The following PKD1L3 variants were observed in gnomAD, a reference collection of about 807,000 sequenced individuals.
PKD1L3 encodes the protein polycystin-1-like protein 3.
A neutral mutation model predicts 184.1 loss-of-function variants in PKD1L3; 239 were observed. The observed-to-expected ratio is 1.30, with a 90% confidence interval of 1.17 to 1.45. The LOEUF (loss-of-function observed/expected upper bound fraction) is 1.45, where lower values mean the gene tolerates loss of function less well. PKD1L3 is among the 40% of genes most tolerant of loss of function. The pLI, the probability that PKD1L3 is intolerant of heterozygous loss-of-function variation, is 0.00. For synonymous variants in PKD1L3, 996 were observed against 778.8 expected, an observed-to-expected ratio of 1.28 and a Z score of -4.64; for missense variants, 2,660 against 2,067.2, an observed-to-expected ratio of 1.29 and a Z score of -5.56.
At chr16:71,996,054 TA>T (rs1211460254) in intron 2 of PKD1L3, among the ~76,000 whole-genome samples, 1 of 152,134 alleles carries the variant, frequency 6.6e-6, no homozygotes, top group Non-Finnish European at 1.5e-5. Context: ...TTCTTTTTTT[TA>T]AAAAATGTAA....
Position 71,978,475 on chromosome 16 carries a change from A to G in PKD1L3, c.1399-92T>C, listed in dbSNP as rs893787795. On this transcript the variant is annotated intron_variant, in intron 9 of 29. Coordinates refer to ENST00000620267, the MANE Select transcript of PKD1L3 (RefSeq NM_181536.2). ...ATATATCATATATACATATGTATAT[A>G]TGTGTGTGTGTGTGTGTGTGTATAT... The G allele has an allele frequency of 1.6e-3, 616 of 385,868 alleles. 5 individuals are homozygous for G. Among genetic ancestry groups the G allele is most frequent in the African/African-American group, 0.014 (526 of 37,782 alleles). The allele number at this position is 385,868 out of a possible 1,614,324, so 23.9% of individuals were successfully genotyped here. A position where few individuals can be genotyped will look rare whatever the true frequency, so the allele number is the denominator to read the frequency against.
intron 24 of PKD1L3, among the ~76,000 whole-genome samples, chr16:71,939,592 G>A (rs549584706): frequency 6.6e-6 from 1 of 152,108 alleles, no homozygotes; most frequent in African/African-American, 2.4e-5. Context: ...TCTATATTTT[G>A]TTAGTAACTA....
chr16:71,982,363 G>A (rs1011427483), intron 6 of PKD1L3, 128 bp from the exon 7 acceptor site: 1 of 735,070 alleles, frequency 1.4e-6, no homozygotes, highest in East Asian at 3.2e-5. Flanking sequence ...TCGACTCACT[G>A]CAACCTCTGC....
At chr16:71,936,111 G>A (rs1167700907) in intron 25 of PKD1L3, among the ~76,000 whole-genome samples, 1 of 149,238 alleles carries the variant, frequency 6.7e-6, no homozygotes, top group Non-Finnish European at 1.5e-5. Flanking sequence ...TTCTAAATTA[G>A]TTATCAAGCC....
chr16:71,954,064 A>T, intron 17 of PKD1L3, 41 bp downstream of exon 17: 1 of 1,386,604 alleles, frequency 7.2e-7, no homozygotes. Flanking sequence ...AAAAAAAAGG[A>T]TTGCTTACTA....
rs781525301 is a variant in PKD1L3 at position 71,933,957 on chromosome 16, A to T, written c.4782T>A (p.Phe1594Leu). 8 of 1,551,568 alleles carry T rather than the reference A, an allele frequency of 5.2e-6. No individual in the cohort carries two copies. The highest frequency in any genetic ancestry group is 6.1e-6 in the Non-Finnish European group (7 of 1,146,976). Residue 1594 changes from phenylalanine to leucine, a missense_variant, in exon 27 of 30, where the codon TTT becomes TTA. Physicochemically the swap from Phe to Leu is conservative, Grantham distance 22. Transcript: ENST00000620267. Reference sequence around the variant, plus strand: ...TCAGCAGGATTAGGATGATCAGCAGAAAGCCCACCACCTCGTCCCAGGCTC... The same window carrying T: ...TCAGCAGGATTAGGATGATCAGCAGTAAGCCCACCACCTCGTCCCAGGCTC... Reference protein sequence around the residue: ...LSRAWDEVVGFLLIILILLTG... With the variant: ...LSRAWDEVVGLLLIILILLTG...
intron 28 of PKD1L3, 28 bp downstream of exon 28, chr16:71,933,392 C>A: frequency 6.7e-7 from 1 of 1,481,742 alleles, no homozygotes; most frequent in Non-Finnish European, 9.2e-7. Context: ...ATATTGAATT[C>A]TGTGAGGAAA....
At chr16:71,971,383 G>A (rs1228443382) in intron 12 of PKD1L3, among the ~76,000 whole-genome samples, 1 of 152,098 alleles carries the variant, frequency 6.6e-6, no homozygotes, top group Non-Finnish European at 1.5e-5. Context: ...GTTTGGTTTC[G>A]TGGGTGAAAA....
At position 71,944,704 on chromosome 16, in the gene PKD1L3, TG is replaced by T. The variant is rs200861422; in HGVS notation, c.3719-535del. ...AGCAAGACCATATCTGTTTTTTGTT[TG>T]TTTTTTTTTTTTGAGACGGAGTCTC... On this transcript the variant is annotated intron_variant, in intron 22 of 29. Coordinates refer to ENST00000620267, the MANE Select transcript of PKD1L3 (RefSeq NM_181536.2). 1.8e-4 allele frequency among the ~76,000 whole-genome samples: 14 copies of T among 79,980 alleles called. 3 individuals carry two copies. The highest frequency in any genetic ancestry group is 1.6e-4 in the Non-Finnish European group (6 of 36,830). 52.5% of individuals were successfully genotyped at this position (79,980 alleles called of 152,430 possible). A position where few individuals can be genotyped will look rare whatever the true frequency, so the allele number is the denominator to read the frequency against.
At chr16:71,969,415 C>T (rs2039625014) in intron 13 of PKD1L3, among the ~76,000 whole-genome samples, 3 of 151,846 alleles carry the variant, frequency 2.0e-5, no homozygotes, top group Admixed American at 6.6e-5. Context: ...AAGCGATCTT[C>T]CCACCTCAGC....
At chr16:71,999,600 A>T in intron 1 of PKD1L3, 84 bp downstream of exon 1, 2 of 1,286,120 alleles carry the variant, frequency 1.6e-6, no homozygotes, top group East Asian at 2.7e-5. Flanking sequence ...AAAAGCAGAA[A>T]GATTAAGATT....
intron 2 of PKD1L3, among the ~76,000 whole-genome samples, chr16:71,997,413 C>A (rs986735824): frequency 1.6e-5 from 1 of 63,320 alleles, no homozygotes; most frequent in Admixed American, 2.4e-4. Flanking sequence ...ATAACAAGAC[C>A]CCCCCCCCCA....
rs1382466636 is a variant in PKD1L3 at position 71,979,827 on chromosome 16, A to G, written c.1357T>C (p.Leu453=). 2 of 1,515,684 alleles carry G rather than the reference A, an allele frequency of 1.3e-6. No homozygotes were observed. The highest frequency in any genetic ancestry group is 2.7e-5 in the Admixed American group (1 of 37,140). 93.9% of individuals were successfully genotyped at this position (1,515,684 alleles called of 1,614,324 possible). A position where few individuals can be genotyped will look rare whatever the true frequency, so the allele number is the denominator to read the frequency against. Residue 453 remains leucine, a synonymous_variant, in exon 9 of 30, where the codon TTG becomes CTG. Transcript: ENST00000620267. ...VRLGFPSALA[L]KELLNKHPGV... ...GGATGTTTATTCAAGAGCTCCTTCA[A>G]AGCTAAAGCCGACGGAAAGCCTAGC...
At chr16:71,975,756 T>G (rs999401328) in intron 11 of PKD1L3, among the ~76,000 whole-genome samples, 2 of 152,214 alleles carry the variant, frequency 1.3e-5, no homozygotes, top group African/African-American at 4.8e-5. Flanking sequence ...AAAAATGATT[T>G]TATGGTCACG....
chr16:71,933,316 T>A, intron 28 of PKD1L3, 104 bp downstream of exon 28: 2 of 820,418 alleles, frequency 2.4e-6, no homozygotes, highest in Non-Finnish European at 4.1e-6. Context: ...TTTCCCCCTT[T>A]TCCAGTGTGC....
At chr16:71,970,212 TCTCA>T in intron 12 of PKD1L3, 107 bp from the exon 13 acceptor site, 1 of 862,034 alleles carries the variant, frequency 1.2e-6, no homozygotes, top group Non-Finnish European at 1.8e-6. Context: ...TATCTGGTTC[TCTCA>T]TTCACAGCTG....
chr16:71,953,230 AC>A, intron 17 of PKD1L3, 137 bp from the exon 18 acceptor site: 1 of 738,560 alleles, frequency 1.4e-6, no homozygotes, highest in Non-Finnish European at 2.1e-6. Flanking sequence ...GGCAGTAAAG[AC>A]CATGTTGTGT....
At chr16:71,951,383 G>C (rs934916295) in intron 19 of PKD1L3, among the ~76,000 whole-genome samples, 181 bp downstream of exon 19, 25 of 152,296 alleles carry the variant, frequency 1.6e-4, no homozygotes, top group African/African-American at 5.3e-4. Context: ...GATAGAGAAA[G>C]ATTGTCTACA....
intron 16 of PKD1L3, among the ~76,000 whole-genome samples, chr16:71,959,731 G>A (rs773845399): frequency 3.3e-5 from 5 of 152,082 alleles, no homozygotes; most frequent in Non-Finnish European, 5.9e-5. Context: ...AGAATTAGAA[G>A]AGGAAGAAGA....
Sources: allele counts gnomAD v4.1 joint callset (sites outside exome capture counted in the v4.1 genomes callset), GRCh38; gene constraint gnomAD v4.1.1; transcripts MANE v1.5; gene names NCBI Gene and HGNC (gene_info 2026-07-23, HGNC 2026-07-21).